MED14: variants seen among roughly 807,000 people sequenced by gnomAD.
MED14 encodes the protein mediator of RNA polymerase II transcription subunit 14.
In MED14, 8 loss-of-function variants were observed where a neutral mutation model predicts 109.0. That is an observed-to-expected ratio of 0.07 (90% CI 0.04 to 0.13). The LOEUF is 0.13. MED14 is among the 10% of genes least tolerant of loss of function. MED14 has a pLI of 1.00. For synonymous variants in MED14, 399 were observed against 408.7 expected (o/e 0.98, Z 0.29); for missense variants, 711 against 1,142.4 (o/e 0.62, Z 5.44).
chrX:40,733,028 T>C lies in MED14; in HGVS notation c.215+2170A>G, dbSNP rs1212893443. Among the ~76,000 whole-genome samples, 12 of 111,448 alleles carry C rather than the reference T, an allele frequency of 1.1e-4. No homozygotes were observed. The Admixed American group carries it at 1.1e-3, about 11-fold the overall frequency. On this transcript the variant is annotated intron_variant, in intron 1 of 30. Transcript: ENST00000324817. ...TTTATGCCTCTTGTTCTGACATTAT[T>C]ATCATCAGCCCCATTATGCTCAAAA...
At position 40,709,462 on chromosome X, in the gene MED14, G is replaced by A; in HGVS notation, c.1174-3C>T. The stretch of plus-strand genomic sequence containing the variant: ...TTTTCTATTGATAAGTGGTCGATCT[G>A]CATAAATAAGAACAACAAATTCAAA... On this transcript the variant is annotated splice_polypyrimidine_tract_variant and splice_region_variant and intron_variant, in intron 9 of 30. Transcript: ENST00000324817. The A allele has an allele frequency of 1.0e-6, 1 of 983,577 alleles. No individual in the cohort carries two copies. The highest frequency in any genetic ancestry group is 1.4e-6 in the Non-Finnish European group (1 of 721,981). 81.1% of individuals were successfully genotyped at this position (983,577 alleles called of 1,213,427 possible). A position where few individuals can be genotyped will look rare whatever the true frequency, so the allele number is the denominator to read the frequency against.
chrX:40,728,173 A>C (rs1446340043), intron 2 of MED14, among the ~76,000 whole-genome samples: 2 of 111,566 alleles, frequency 1.8e-5, no homozygotes, highest in African/African-American at 6.5e-5. Flanking sequence ...TCACAGAGCA[A>C]ACACACTTGT....
intron 12 of MED14, among the ~76,000 whole-genome samples, chrX:40,699,536 TC>T (rs1331659004): frequency 1.3e-4 from 15 of 112,134 alleles, no homozygotes; most frequent in Non-Finnish European, 2.4e-4. Context: ...TATAAATAAA[TC>T]ATGTAAGTTT....
chrX:40,713,568 G>A (rs1255343229), intron 5 of MED14, among the ~76,000 whole-genome samples: 3 of 111,722 alleles, frequency 2.7e-5, no homozygotes, highest in South Asian at 3.7e-4. Context: ...TCAGCCACCC[G>A]AATAGCTGGG....
intron 2 of MED14, among the ~76,000 whole-genome samples, chrX:40,727,498 T>C (rs188383324): frequency 1.8e-5 from 2 of 111,857 alleles, no homozygotes; most frequent in Admixed American, 1.9e-4. Flanking sequence ...TGTCCATATC[T>C]AGTTTTATCC....
At chrX:40,680,412 CTGTTTTTTGTTTGTT>C (rs1208084655) in intron 20 of MED14, among the ~76,000 whole-genome samples, 1 of 111,379 alleles carries the variant, frequency 9.0e-6, no homozygotes. Flanking sequence ...ACACTAAATG[CTGTTTTTTGTTTGTT>C]TGTTTTTTGA....
chrX:40,686,706 T>C (rs1930307476), intron 16 of MED14, among the ~76,000 whole-genome samples: 1 of 112,093 alleles, frequency 8.9e-6, no homozygotes, highest in Admixed American at 9.4e-5. Context: ...ACTGCTCAAA[T>C]TGCAGAGCTG....
Position 40,649,612 on chromosome X carries a change from G to A in MED14, c.*2194C>T. ...AAAATCACATTGAAAACACCTTAAA[G>A]TTAAGTCCCAACCCGATTATTAGAG... On this transcript the variant is annotated 3_prime_UTR_variant, in exon 31 of 31. Transcript: ENST00000324817. 1 of 946,738 alleles carries A rather than the reference G, an allele frequency of 1.1e-6. No homozygotes were observed. The highest frequency in any genetic ancestry group is 1.3e-6 in the Non-Finnish European group (1 of 742,203). The allele number at this position is 946,738 out of a possible 1,213,427, so 78.0% of individuals were successfully genotyped here.
chrX:40,711,122 A>G, intron 8 of MED14, 47 bp downstream of exon 8: 1 of 1,155,087 alleles, frequency 8.7e-7, no homozygotes, highest in Non-Finnish European at 1.2e-6. Flanking sequence ...AAATAAAAAG[A>G]GTATTTACAG....
At chrX:40,672,197 G>A (rs1438292125) in intron 22 of MED14, among the ~76,000 whole-genome samples, 2 of 111,838 alleles carry the variant, frequency 1.8e-5, no homozygotes, top group Non-Finnish European at 3.8e-5. Flanking sequence ...CCTCTTTCCC[G>A]ATCTTGCAAT....
chrX:40,697,322 A>G (rs1930757716), intron 12 of MED14, 139 bp from the exon 13 acceptor site: 1 of 417,293 alleles, frequency 2.4e-6, no homozygotes, highest in African/African-American at 2.5e-5. Context: ...ACACATGGCC[A>G]TAATGACAAA....
At chrX:40,658,723 C>T (rs1400714862) in intron 28 of MED14, among the ~76,000 whole-genome samples, 3 of 98,715 alleles carry the variant, frequency 3.0e-5, no homozygotes, top group Admixed American at 1.1e-4. Context: ...AAAAGCCAGG[C>T]GCGGTGGCGT....
At chrX:40,702,084 G>A (rs957731510) in intron 11 of MED14, among the ~76,000 whole-genome samples, 1 of 111,805 alleles carries the variant, frequency 8.9e-6, no homozygotes, top group African/African-American at 3.3e-5. Flanking sequence ...ATACAAGCTA[G>A]AAAGAGAGCC....
At chrX:40,702,639 C>T (rs1163883253) in intron 11 of MED14, among the ~76,000 whole-genome samples, 2 of 111,647 alleles carry the variant, frequency 1.8e-5, no homozygotes, top group African/African-American at 6.5e-5. Context: ...TGAGCCACCA[C>T]GCCTGGCCTA....
At chrX:40,691,607 CTTTTTTT>C (rs36144185) in intron 15 of MED14, among the ~76,000 whole-genome samples, 4 of 59,457 alleles carry the variant, frequency 6.7e-5, no homozygotes, top group African/African-American at 1.8e-4. Context: ...TTCTTTTAAT[CTTTTTTT>C]TTTTTTTTTT....
intron 10 of MED14, among the ~76,000 whole-genome samples, chrX:40,706,799 A>G (rs1235106808): frequency 1.8e-5 from 2 of 111,329 alleles, no homozygotes; most frequent in Non-Finnish European, 3.8e-5. Context: ...TTTTTAACTT[A>G]CTAAGTTTTT....
intron 3 of MED14, among the ~76,000 whole-genome samples, chrX:40,721,484 A>C (rs887932532): frequency 1.8e-5 from 2 of 112,755 alleles, no homozygotes; most frequent in South Asian, 3.6e-4. Context: ...TAAGAAAAGA[A>C]TATCAGGCAA....
intron 23 of MED14, among the ~76,000 whole-genome samples, chrX:40,670,932 G>A (rs1452472870): frequency 9.0e-6 from 1 of 111,415 alleles, no homozygotes; most frequent in Non-Finnish European, 1.9e-5. Flanking sequence ...GCCTTCAATT[G>A]GTACAAAACT....
chrX:40,736,111 TCGCGAAGAAATGGGAGCGGCCG>T (rs1390671517), upstream of MED14, among the ~76,000 whole-genome samples: 2 of 111,844 alleles, frequency 1.8e-5, no homozygotes, highest in East Asian at 5.6e-4. Context: ...GGTTCTGGAA[TCGCGAAGAAATGGGAGCGGCCG>T]CGCGCTTGTG....
Sources: allele counts gnomAD v4.1 joint callset (sites outside exome capture counted in the v4.1 genomes callset), GRCh38; gene constraint gnomAD v4.1.1; transcripts MANE v1.5; gene names NCBI Gene and HGNC (gene_info 2026-07-23, HGNC 2026-07-21).